The following INPP5D variants were observed in gnomAD, a reference collection of about 807,000 sequenced individuals.
INPP5D encodes inositol polyphosphate-5-phosphatase D.
In INPP5D, 33 loss-of-function variants were observed where a neutral mutation model predicts 122.9. The observed-to-expected ratio is 0.27, with a 90% CI of 0.20 to 0.36. The LOEUF (loss-of-function observed/expected upper bound fraction) is 0.36. Among genes scored for constraint, INPP5D ranks in the 10% least tolerant of loss-of-function variants. The pLI is 1.00. For missense variants in INPP5D, 1,053 were observed against 1,412.7 expected (o/e 0.75, Z 4.08); for synonymous variants, 584 against 576.2 (o/e 1.01, Z -0.19).
chr2:233,176,991 A>G lies in INPP5D; in HGVS notation c.1990-274A>G, dbSNP rs190154455. On this transcript the variant is annotated intron_variant, in intron 17 of 26. Transcript: ENST00000445964. ...ATCTGAGTCAGAAAGAAAGTAAGAGAAGGTGAAGATACAAGGGATACTGAA... is the reference window on the plus strand; with the variant it reads ...ATCTGAGTCAGAAAGAAAGTAAGAGGAGGTGAAGATACAAGGGATACTGAA... Among the ~76,000 whole-genome samples the G allele has an allele frequency of 4.6e-5, 7 of 152,168 alleles. No homozygotes were observed. In the East Asian group the frequency reaches 1.4e-3, roughly 29 times the overall value.
chr2:233,088,933 G>A (rs534026281), intron 2 of INPP5D, among the ~76,000 whole-genome samples: 1 of 152,340 alleles, frequency 6.6e-6, no homozygotes, highest in South Asian at 2.1e-4. Flanking sequence ...GAGGGTCATG[G>A]AGGACAGAGG....
intron 24 of INPP5D, among the ~76,000 whole-genome samples, chr2:233,196,178 A>C (rs1024440223): frequency 5.8e-4 from 88 of 152,306 alleles, no homozygotes; most frequent in African/African-American, 2.0e-3. Flanking sequence ...GCCTGTGAGA[A>C]GGTGAACTGA....
intron 17 of INPP5D, among the ~76,000 whole-genome samples, chr2:233,174,612 C>T (rs148646263): frequency 0.99 from 150,739 of 152,230 alleles, 74,647 homozygotes; most frequent in Middle Eastern, 1. Context: ...GCCAACATGG[C>T]GAAACCCCAT....
At chr2:233,074,622 GT>G (rs139197036) in intron 1 of INPP5D, among the ~76,000 whole-genome samples, 20 of 148,252 alleles carry the variant, frequency 1.3e-4, no homozygotes, top group South Asian at 4.3e-4. Context: ...TTTTTTTTGT[GT>G]TTTTTTTTTG....
chr2:233,106,241 G>A (rs1692465522), intron 2 of INPP5D, among the ~76,000 whole-genome samples: 1 of 152,154 alleles, frequency 6.6e-6, no homozygotes, highest in Admixed American at 6.5e-5. Context: ...GCTGTGGTTG[G>A]CTAATCTAGT....
chr2:233,063,873 G>C (rs1331626298), intron 1 of INPP5D, among the ~76,000 whole-genome samples: 1 of 152,280 alleles, frequency 6.6e-6, no homozygotes, highest in Non-Finnish European at 1.5e-5. Flanking sequence ...TGCTCCGGGG[G>C]GAGTCTGTGG....
At chr2:233,086,137 CT>C (rs1691832213) in intron 2 of INPP5D, among the ~76,000 whole-genome samples, 1 of 134,418 alleles carries the variant, frequency 7.4e-6, no homozygotes, top group East Asian at 2.2e-4. Flanking sequence ...TTCTTTCTTT[CT>C]TTCTTTCTTT....
chr2:233,138,720 TTTTA>T (rs1401634442), intron 5 of INPP5D, among the ~76,000 whole-genome samples: 2 of 143,738 alleles, frequency 1.4e-5, no homozygotes, highest in African/African-American at 5.0e-5. Flanking sequence ...TCAGAGCAGG[TTTTA>T]TTTATTTTAT....
intron 5 of INPP5D, among the ~76,000 whole-genome samples, chr2:233,135,900 T>C (rs1693454702): frequency 6.6e-6 from 1 of 152,182 alleles, no homozygotes; most frequent in Non-Finnish European, 1.5e-5. Context: ...AATATGAATA[T>C]ACTCAAAGCA....
At chr2:233,187,837 C>T (rs1488530834) in intron 21 of INPP5D, among the ~76,000 whole-genome samples, 6 of 152,306 alleles carry the variant, frequency 3.9e-5, no homozygotes, top group Middle Eastern at 6.8e-3. Flanking sequence ...TCCTCCCTGG[C>T]TGCTTCCAGG....
intron 3 of INPP5D, 103 bp from the exon 4 acceptor site, chr2:233,125,642 A>G: frequency 2.0e-6 from 2 of 1,002,674 alleles, no homozygotes; most frequent in South Asian, 1.7e-5. Flanking sequence ...GCAGATGGAG[A>G]TCAATAACGT....
chr2:233,166,008 T>C (rs1694326163), intron 13 of INPP5D, among the ~76,000 whole-genome samples: 1 of 151,988 alleles, frequency 6.6e-6, no homozygotes, highest in South Asian at 2.1e-4. Context: ...AATAGAAGAA[T>C]TGCTGCAATC....
At chr2:233,125,378 A>G (rs1001583836) in intron 3 of INPP5D, among the ~76,000 whole-genome samples, 1 of 152,218 alleles carries the variant, frequency 6.6e-6, no homozygotes, top group African/African-American at 2.4e-5. Flanking sequence ...CCCAGGGCTC[A>G]GCCATCATGA....
At chr2:233,080,845 G>A (rs1206786571) in intron 2 of INPP5D, among the ~76,000 whole-genome samples, 1 of 152,204 alleles carries the variant, frequency 6.6e-6, no homozygotes, top group Non-Finnish European at 1.5e-5. Flanking sequence ...GAGGATGGAA[G>A]GAATTGCTTC....
intron 9 of INPP5D, among the ~76,000 whole-genome samples, chr2:233,150,993 T>C (rs921613174): frequency 2.0e-5 from 3 of 152,168 alleles, no homozygotes; most frequent in African/African-American, 7.2e-5. Context: ...CATCTCTCAC[T>C]GTGGTTCTGG....
rs751255234 is a variant in INPP5D, at chr2:233,163,721, C to G, written c.1255C>G (p.Pro419Ala). ...TGCTGTTGAAGGTAACGCCCCCCCT[C>G]CCAAGAAGATCACGTCCTGGTTTCT... ...GTWNMGNAPPPKKITSWFLSK... is the reference protein window; with the variant it reads ...GTWNMGNAPPAKKITSWFLSK... The change falls in exon 12 of 27, where the codon CCC becomes GCC. Residue 419 changes from proline to alanine, a missense_variant. By Grantham distance (27) the Pro-to-Ala change is conservative. Transcript: ENST00000445964. 1 of 1,613,876 alleles carries G rather than the reference C, an allele frequency of 6.2e-7. No homozygotes were observed. Among genetic ancestry groups the G allele is most frequent in the South Asian group, 1.1e-5 (1 of 91,070 alleles).
At chr2:233,087,334 T>C (rs931311705) in intron 2 of INPP5D, among the ~76,000 whole-genome samples, 6 of 148,990 alleles carry the variant, frequency 4.0e-5, no homozygotes, top group Non-Finnish European at 7.4e-5. Flanking sequence ...TATTTATTTA[T>C]TTTTTTGAGA....
intron 18 of INPP5D, among the ~76,000 whole-genome samples, chr2:233,180,026 G>T (rs1330983675): frequency 1.4e-4 from 22 of 152,220 alleles, no homozygotes; most frequent in Non-Finnish European, 1.5e-4. Flanking sequence ...TCGGCTGGCT[G>T]TCAGCAGGCA....
rs112320704 is a variant in INPP5D, at chr2:233,137,903, C to T, written c.666-1939C>T. On this transcript the variant is annotated intron_variant, in intron 5 of 26. Coordinates refer to ENST00000445964, the MANE Select transcript of INPP5D (RefSeq NM_001017915.3). The stretch of plus-strand genomic sequence containing the variant: ...ATATATATATATATATATATACACA[C>T]ACACACACACATACACATAATATGT... 1.3e-3 allele frequency among the ~76,000 whole-genome samples: 55 copies of T among 42,252 alleles called. 12 individuals carry two copies. Among genetic ancestry groups the T allele is most frequent in the Admixed American group, 1.8e-3 (6 of 3,408 alleles). The allele number at this position is 42,252 out of a possible 152,430, so 27.7% of individuals were successfully genotyped here. A position where few individuals can be genotyped will look rare whatever the true frequency, so the allele number is the denominator to read the frequency against.
Sources: allele counts gnomAD v4.1 joint callset (sites outside exome capture counted in the v4.1 genomes callset), GRCh38; gene constraint gnomAD v4.1.1; transcripts MANE v1.5; gene names NCBI Gene and HGNC (gene_info 2026-07-23, HGNC 2026-07-21).